The following FANK1 variants were observed in gnomAD, a reference collection of about 807,000 sequenced individuals.
The protein encoded by FANK1 is fibronectin type III and ankyrin repeat domains 1, also known as fibronectin type 3 and ankyrin repeat domains protein 1.
In FANK1, 44 loss-of-function variants were observed where a neutral mutation model predicts 45.3. That is an observed-to-expected ratio of 0.97 (90% CI 0.76 to 1.25). The LOEUF (loss-of-function observed/expected upper bound fraction) is 1.25, where lower values mean the gene tolerates loss of function less well. Ranked by LOEUF, FANK1 falls within the 50% of genes most tolerant of loss-of-function variation. FANK1 has a pLI of 0.00. For synonymous variants in FANK1, 149 were observed against 152.5 expected, an observed-to-expected ratio of 0.98 and a Z score of 0.17; for missense variants, 391 against 424.4, an observed-to-expected ratio of 0.92 and a Z score of 0.69.
At chr10:125,985,459 G>A (rs1328180601) in intron 2 of FANK1, among the ~76,000 whole-genome samples, 3 of 151,934 alleles carry the variant, frequency 2.0e-5, no homozygotes, top group African/African-American at 4.8e-5. Flanking sequence ...TAGCCCTGGC[G>A]GTTTTTCTGA....
chr10:126,000,027 G>T (rs899478687), intron 6 of FANK1, among the ~76,000 whole-genome samples: 1 of 152,050 alleles, frequency 6.6e-6, no homozygotes, highest in Admixed American at 6.5e-5. Context: ...GCAATTACTG[G>T]TTAATAAATA....
chr10:125,949,764 A>G (rs1290697288), intron 1 of FANK1, among the ~76,000 whole-genome samples: 4 of 150,178 alleles, frequency 2.7e-5, no homozygotes, highest in African/African-American at 9.8e-5. Flanking sequence ...GAAAAAAACT[A>G]CTTTAAAGTT....
At chr10:125,946,758 C>T (rs1412767957) in intron 1 of FANK1, among the ~76,000 whole-genome samples, 276 of 114,616 alleles carry the variant, frequency 2.4e-3, no homozygotes, top group African/African-American at 9.0e-3. Flanking sequence ...ATACAGAGAA[C>T]GCCACAAAGA....
At chr10:125,929,622 A>T (rs182444338) in intron 1 of FANK1, among the ~76,000 whole-genome samples, 6 of 152,312 alleles carry the variant, frequency 3.9e-5, no homozygotes. Context: ...TTTCACATGT[A>T]GCCTGTCTAT....
In FANK1 at chr10:125,984,821, A is replaced by G. The variant is rs558398963; in HGVS notation, c.192-3730A>G. Among the ~76,000 whole-genome samples the G allele has an allele frequency of 5.3e-5, 8 of 151,036 alleles. No individual in the cohort carries two copies. In the South Asian group the frequency reaches 1.7e-3, roughly 31 times the overall value. On this transcript the variant is annotated intron_variant, in intron 2 of 10. Transcript: ENST00000368693. ...ATAACAAAAACAAGGCTATGCTTTA[A>G]ATTTTTGTAGACTTTCCTCTACTGT...
In FANK1 at chr10:125,919,809, A is replaced by C. The variant is rs545512140; in HGVS notation, c.13+23154A>C. On this transcript the variant is annotated intron_variant, in intron 1 of 10. Coordinates refer to ENST00000368693, the MANE Select transcript of FANK1 (RefSeq NM_145235.5). Reference sequence around the variant, plus strand: ...TCTGGGCTTTCTAAGCAGCCCAAAAACTCTAGATGATTTTACTTTTGTAAT... The same window carrying C: ...TCTGGGCTTTCTAAGCAGCCCAAAACCTCTAGATGATTTTACTTTTGTAAT... 2.6e-5 allele frequency among the ~76,000 whole-genome samples: 4 copies of C among 151,814 alleles called. No individual in the cohort carries two copies. In the East Asian group the frequency reaches 7.7e-4, roughly 29 times the overall value.
intron 1 of FANK1, among the ~76,000 whole-genome samples, chr10:125,935,254 ATC>A (rs1948022992): frequency 6.6e-6 from 1 of 152,116 alleles, no homozygotes; most frequent in East Asian, 1.9e-4. Context: ...TCTGATTGTT[ATC>A]TCTCTGCCCT....
At chr10:125,967,268 G>T (rs1950244839) in intron 1 of FANK1, among the ~76,000 whole-genome samples, 1 of 152,198 alleles carries the variant, frequency 6.6e-6, no homozygotes, top group Non-Finnish European at 1.5e-5. Flanking sequence ...GGCTCCCTGG[G>T]TTTGAATCCT....
At chr10:125,911,606 T>C (rs920111820) in intron 1 of FANK1, among the ~76,000 whole-genome samples, 2 of 152,244 alleles carry the variant, frequency 1.3e-5, no homozygotes, top group Admixed American at 6.5e-5. Flanking sequence ...AATTGTTAAA[T>C]CACTCTCCTC....
At chr10:125,995,570 C>T (rs1019634886) in intron 4 of FANK1, 72 bp downstream of exon 4, 8 of 1,433,668 alleles carry the variant, frequency 5.6e-6, no homozygotes, top group Non-Finnish European at 7.9e-6. Context: ...GCAGTAGTTT[C>T]ATTTTGTTTT....
intron 3 of FANK1, chr10:125,994,948 A>AC: frequency 1.0e-6 from 1 of 985,072 alleles, no homozygotes; most frequent in South Asian, 4.7e-5. Context: ...CTCAGAGAAG[A>AC]CAAGGCCAAT....
At chr10:125,997,887 T>G (rs923129266) in intron 6 of FANK1, among the ~76,000 whole-genome samples, 9 of 152,198 alleles carry the variant, frequency 5.9e-5, no homozygotes, top group African/African-American at 2.2e-4. Context: ...CTAAGAAATC[T>G]TCGTTGTTTC....
intron 1 of FANK1, among the ~76,000 whole-genome samples, chr10:125,975,503 A>AT (rs1203133711): frequency 6.6e-6 from 1 of 151,996 alleles, no homozygotes; most frequent in African/African-American, 2.4e-5. Flanking sequence ...AGCATCTATT[A>AT]TTTTTTTGGC....
intron 6 of FANK1, 46 bp downstream of exon 6, chr10:125,997,531 T>C: frequency 6.4e-7 from 1 of 1,573,768 alleles, no homozygotes; most frequent in Non-Finnish European, 8.7e-7. Context: ...TTCTCAGAAT[T>C]GTGTTGCTAG....
At chr10:125,916,008 C>T (rs993076411) in intron 1 of FANK1, among the ~76,000 whole-genome samples, 4 of 152,000 alleles carry the variant, frequency 2.6e-5, no homozygotes, top group Admixed American at 1.3e-4. Flanking sequence ...TATGTAGCTC[C>T]TCTGTGTAAT....
At chr10:125,965,997 A>C (rs1172835215) in intron 1 of FANK1, among the ~76,000 whole-genome samples, 1 of 152,202 alleles carries the variant, frequency 6.6e-6, no homozygotes, top group Admixed American at 6.5e-5. Flanking sequence ...TCTGAGAGGG[A>C]GGCAGGACAG....
chr10:125,980,256 C>T lies in FANK1; in HGVS notation c.109C>T (p.Arg37Cys), dbSNP rs747437435. The T allele has an allele frequency of 4.5e-5, 73 of 1,614,030 alleles. No homozygotes were observed. The highest frequency in any genetic ancestry group is 1.4e-4 in the South Asian group (13 of 91,090). ...CTGGGATCTGGAAAAGAAAGCCAAACGCCAAGGACCTCAAGAGCAGTGGTT... is the reference window on the plus strand; with the variant it reads ...CTGGGATCTGGAAAAGAAAGCCAAATGCCAAGGACCTCAAGAGCAGTGGTT... The part of the protein sequence containing the change: ...LYWDLEKKAK[R>C]QGPQEQWFRF... The change falls in exon 2 of 11, where the codon CGC becomes TGC. Residue 37 changes from arginine to cysteine, a missense_variant. Arg to Cys is a radical substitution (Grantham distance 180, BLOSUM62 -3). Coordinates refer to ENST00000368693, the MANE Select transcript of FANK1 (RefSeq NM_145235.5).
At chr10:126,004,750 G>A (rs1057417738) in intron 6 of FANK1, 134 bp from the exon 7 acceptor site, 47 of 812,140 alleles carry the variant, frequency 5.8e-5, no homozygotes, top group Non-Finnish European at 8.5e-5. Flanking sequence ...ATACGTGTAC[G>A]TTTTATATGA....
At position 125,995,519 on chromosome 10, in the gene FANK1, G is replaced by A. The variant is rs769052228; in HGVS notation, c.398+21G>A. On this transcript the variant is annotated intron_variant, in intron 4 of 10. Coordinates refer to ENST00000368693, the MANE Select transcript of FANK1 (RefSeq NM_145235.5). ...GGAGGGTGAGAGAACTCTGTCAGTT[G>A]TTTTTTTTCCCCCATGCCTATAAAG... is the stretch of plus-strand genomic sequence containing the variant. 3 of 1,610,298 alleles carry A rather than the reference G, an allele frequency of 1.9e-6. No individual in the cohort carries two copies. In the Admixed American group the frequency reaches 5.0e-5, roughly 27 times the overall value.
Sources: gnomAD v4.1 joint callset for allele counts (sites outside exome capture counted in the v4.1 genomes callset) on GRCh38, gnomAD v4.1.1 for gene constraint, MANE v1.5 for transcripts, NCBI Gene and HGNC (gene_info 2026-07-23, HGNC 2026-07-21) for gene names.